DIP2B: variants seen among roughly 807,000 people sequenced by gnomAD.
DIP2B encodes the protein disco-interacting protein 2 homolog B.
In DIP2B, 76 loss-of-function variants were observed where a neutral mutation model predicts 198.0. That is an observed-to-expected ratio of 0.38 (90% CI 0.32 to 0.46). The LOEUF (loss-of-function observed/expected upper bound fraction) is 0.46, where lower values mean the gene tolerates loss of function less well. DIP2B is among the 20% of genes least tolerant of loss of function. The pLI is 0.99. For synonymous variants in DIP2B, 701 were observed against 739.1 expected (o/e 0.95, Z 0.84); for missense variants, 1,559 against 1,978.4 (o/e 0.79, Z 4.02).
In DIP2B at chr12:50,671,271, T is replaced by C. The variant is rs201446235; in HGVS notation, c.513T>C (p.Ala171=). Residue 171 remains alanine (A), a synonymous_variant, in exon 5 of 38, where the codon GCT becomes GCC. Coordinates refer to ENST00000301180, the MANE Select transcript of DIP2B (RefSeq NM_173602.3). Reference sequence around the variant, plus strand: ...CCTTGCAACAGAGCTTACAGAATGCTGAGTCCTGGATCAACCGTTCAATTC... The same window carrying C: ...CCTTGCAACAGAGCTTACAGAATGCCGAGTCCTGGATCAACCGTTCAATTC... ...SAALQQSLQN[A]ESWINRSIQG... 4.0e-5 allele frequency: 64 copies of C among 1,614,094 alleles called. No homozygotes were observed. The highest frequency in any genetic ancestry group is 4.2e-5 in the Non-Finnish European group (50 of 1,180,042).
intron 21 of DIP2B, among the ~76,000 whole-genome samples, chr12:50,707,548 G>A (rs1939536245): frequency 6.6e-6 from 1 of 152,206 alleles, no homozygotes. Context: ...TTCATTGGGT[G>A]CCAACACTGT....
intron 1 of DIP2B, among the ~76,000 whole-genome samples, chr12:50,543,796 C>T (rs866840895): frequency 4.0e-5 from 6 of 151,542 alleles, no homozygotes; most frequent in African/African-American, 1.5e-4. Flanking sequence ...TAGTGGCACA[C>T]GCCTGTAGTC....
intron 2 of DIP2B, among the ~76,000 whole-genome samples, chr12:50,629,594 C>A (rs569922822): frequency 6.6e-6 from 1 of 152,200 alleles, no homozygotes; most frequent in Non-Finnish European, 1.5e-5. Flanking sequence ...TCAACCCGAT[C>A]TCTTCCGAGC....
chr12:50,646,546 C>T (rs1015657076), intron 3 of DIP2B, among the ~76,000 whole-genome samples: 1 of 152,010 alleles, frequency 6.6e-6, no homozygotes, highest in Non-Finnish European at 1.5e-5. Context: ...CTCAGTCTCC[C>T]GAGTAGCTAG....
intron 1 of DIP2B, among the ~76,000 whole-genome samples, chr12:50,526,740 G>A (rs868648059): frequency 3.4e-4 from 1 of 2,904 alleles, no homozygotes; most frequent in South Asian, 0.25. Context: ...GGGTTCAAGC[G>A]ATTTCCTGCC....
intron 1 of DIP2B, among the ~76,000 whole-genome samples, chr12:50,618,467 C>T (rs1937743555): frequency 6.6e-6 from 1 of 152,210 alleles, no homozygotes; most frequent in African/African-American, 2.4e-5. Flanking sequence ...TGTGCATTCA[C>T]CCTCAGTGTC....
intron 37 of DIP2B, among the ~76,000 whole-genome samples, chr12:50,742,688 G>A (rs1940273133): frequency 6.6e-6 from 1 of 152,114 alleles, no homozygotes; most frequent in African/African-American, 2.4e-5. Context: ...CTGAGGTCAG[G>A]AGTTCAAGAC....
At chr12:50,663,981 A>G (rs1385891684) in intron 4 of DIP2B, among the ~76,000 whole-genome samples, 2 of 151,912 alleles carry the variant, frequency 1.3e-5, no homozygotes, top group African/African-American at 2.4e-5. Flanking sequence ...CTTTCTTTGT[A>G]CACTGCCTGA....
intron 19 of DIP2B, among the ~76,000 whole-genome samples, chr12:50,701,486 A>G (rs1209975408): frequency 1.3e-5 from 2 of 152,166 alleles, no homozygotes; most frequent in African/African-American, 4.8e-5. Context: ...GGTTCAAACA[A>G]TTCTCCTGCC....
At chr12:50,648,348 A>T (rs1285859584) in intron 3 of DIP2B, among the ~76,000 whole-genome samples, 3 of 151,626 alleles carry the variant, frequency 2.0e-5, no homozygotes, top group Non-Finnish European at 4.4e-5. Context: ...GCCTAAGCCT[A>T]TTTTTTTTAT....
intron 27 of DIP2B, among the ~76,000 whole-genome samples, 177 bp from the exon 28 acceptor site, chr12:50,724,598 A>T (rs1430386912): frequency 6.6e-6 from 1 of 152,212 alleles, no homozygotes; most frequent in Non-Finnish European, 1.5e-5. Flanking sequence ...TAAATGTCAC[A>T]CATTTCCAGA....
At chr12:50,744,156 C>G (rs1044084635) in intron 37 of DIP2B, among the ~76,000 whole-genome samples, 3 of 152,178 alleles carry the variant, frequency 2.0e-5, no homozygotes, top group African/African-American at 7.2e-5. Flanking sequence ...TGCTCACCAC[C>G]AAGTCTGGCT....
At chr12:50,685,319 T>C (rs1434362454) in intron 10 of DIP2B, among the ~76,000 whole-genome samples, 5 of 152,200 alleles carry the variant, frequency 3.3e-5, no homozygotes. Flanking sequence ...TTTGCTGCTG[T>C]TTTTGTGTAA....
chr12:50,591,502 ATC>A (rs1416662875), intron 1 of DIP2B, among the ~76,000 whole-genome samples: 1 of 151,986 alleles, frequency 6.6e-6, no homozygotes, highest in Admixed American at 6.6e-5. Context: ...CAGTGGCATG[ATC>A]TCAGCTCACT....
intron 3 of DIP2B, among the ~76,000 whole-genome samples, chr12:50,652,829 C>T (rs1329513925): frequency 6.6e-6 from 1 of 152,048 alleles, no homozygotes; most frequent in Non-Finnish European, 1.5e-5. Context: ...AAGTTTTTCA[C>T]CTCCTCAGTT....
At chr12:50,640,060 C>A (rs908646848) in intron 2 of DIP2B, among the ~76,000 whole-genome samples, 1 of 152,108 alleles carries the variant, frequency 6.6e-6, no homozygotes, top group Non-Finnish European at 1.5e-5. Flanking sequence ...ATTTTACACT[C>A]AAAATTTTGT....
intron 1 of DIP2B, among the ~76,000 whole-genome samples, chr12:50,610,966 T>TTTTTTTGTA (rs1465628747): frequency 1.3e-5 from 2 of 151,994 alleles, no homozygotes; most frequent in Non-Finnish European, 2.9e-5. Context: ...CTCCAGCTAA[T>TTTTTTTGTA]TTTTTTGTAT....
chr12:50,577,576 A>G lies in DIP2B; in HGVS notation c.101-48400A>G, dbSNP rs1593624019. The stretch of plus-strand genomic sequence containing the variant: ...AAAAAAGTAAAACTGAAATGTTAAA[A>G]TATTTATCCTAAATAACAATAATAA... On this transcript the variant is annotated intron_variant, in intron 1 of 37. Transcript: ENST00000301180. Among the ~76,000 whole-genome samples, 7 of 151,588 alleles carry G rather than the reference A, an allele frequency of 4.6e-5. 1 individual carries two copies. Among genetic ancestry groups the G allele is most frequent in the Admixed American group, 4.6e-4 (7 of 15,236 alleles).
chr12:50,600,433 A>G (rs1958924843), intron 1 of DIP2B, among the ~76,000 whole-genome samples: 1 of 152,238 alleles, frequency 6.6e-6, no homozygotes, highest in Non-Finnish European at 1.5e-5. Context: ...CAAATGAGAA[A>G]GACAAATCTA....
Sources: gnomAD v4.1 joint callset for allele counts (sites outside exome capture counted in the v4.1 genomes callset) on GRCh38, gnomAD v4.1.1 for gene constraint, MANE v1.5 for transcripts, NCBI Gene and HGNC (gene_info 2026-07-23, HGNC 2026-07-21) for gene names.